COLGALT2: variants seen among roughly 807,000 people sequenced by gnomAD.
The protein encoded by COLGALT2 is procollagen galactosyltransferase 2.
Under a neutral mutation model 73.4 loss-of-function variants are expected in COLGALT2, and 49 were observed. That is an observed-to-expected ratio of 0.67 (90% CI 0.53 to 0.85). COLGALT2 has a LOEUF of 0.85. Among genes scored for constraint, COLGALT2 ranks in the 40% least tolerant of loss-of-function variants. The pLI is 0.00. For missense variants in COLGALT2, 722 were observed against 790.2 expected (o/e 0.91, Z 1.03); for synonymous variants, 295 against 307.6 (o/e 0.96, Z 0.43).
At chr1:184,027,096 T>C (rs1649355192) in intron 1 of COLGALT2, among the ~76,000 whole-genome samples, 1 of 152,176 alleles carries the variant, frequency 6.6e-6, no homozygotes, top group Non-Finnish European at 1.5e-5. Context: ...TGTGCTTGAC[T>C]TAATAATAAT....
chr1:183,974,523 A>G (rs1431849692), intron 3 of COLGALT2, among the ~76,000 whole-genome samples: 1 of 152,228 alleles, frequency 6.6e-6, no homozygotes, highest in Non-Finnish European at 1.5e-5. Flanking sequence ...TATTGTCAGT[A>G]CAATTTGAAA....
chr1:184,029,679 G>A (rs1311285189), intron 1 of COLGALT2, among the ~76,000 whole-genome samples: 1 of 152,222 alleles, frequency 6.6e-6, no homozygotes, highest in East Asian at 1.9e-4. Flanking sequence ...TGAACTTTTG[G>A]ATAAATATTA....
chr1:183,983,561 G>A (rs1671409986), intron 1 of COLGALT2, among the ~76,000 whole-genome samples: 1 of 152,216 alleles, frequency 6.6e-6, no homozygotes, highest in Non-Finnish European at 1.5e-5. Flanking sequence ...CGAGGCTGGT[G>A]CTAACGGTTC....
At chr1:183,996,304 C>T (rs1301732564) in intron 1 of COLGALT2, among the ~76,000 whole-genome samples, 2 of 152,124 alleles carry the variant, frequency 1.3e-5, no homozygotes, top group Non-Finnish European at 2.9e-5. Flanking sequence ...AAAGAGAAGG[C>T]AGAAAGCTGA....
intron 1 of COLGALT2, among the ~76,000 whole-genome samples, chr1:184,024,950 C>A (rs757410893): frequency 5.3e-5 from 8 of 152,224 alleles, no homozygotes; most frequent in Non-Finnish European, 8.8e-5. Context: ...TTGGAGGTTC[C>A]ATGCTTTCCA....
At chr1:183,966,256 T>C (rs1443916562) in intron 5 of COLGALT2, among the ~76,000 whole-genome samples, 3 of 152,224 alleles carry the variant, frequency 2.0e-5, no homozygotes, top group Admixed American at 6.5e-5. Flanking sequence ...GAGTCTGCAC[T>C]CCCAGTGAAT....
chr1:183,980,815 A>C (rs550268154), intron 1 of COLGALT2, among the ~76,000 whole-genome samples: 1 of 152,262 alleles, frequency 6.6e-6, no homozygotes, highest in South Asian at 2.1e-4. Flanking sequence ...AAAATCTTAA[A>C]TGAAGTATTA....
intron 4 of COLGALT2, among the ~76,000 whole-genome samples, chr1:183,972,068 G>C (rs4651160): frequency 0.71 from 108,003 of 152,164 alleles, 38,805 homozygotes; most frequent in East Asian, 0.84. Context: ...ATATAAAGGG[G>C]AGACTCAAAC....
chr1:184,002,170 C>T (rs1422928022), intron 1 of COLGALT2, among the ~76,000 whole-genome samples: 1 of 152,236 alleles, frequency 6.6e-6, no homozygotes, highest in African/African-American at 2.4e-5. Context: ...TCCTATCTAG[C>T]CTGTTCCACA....
intron 7 of COLGALT2, among the ~76,000 whole-genome samples, chr1:183,952,774 T>C (rs1670435411): frequency 6.6e-6 from 1 of 152,254 alleles, no homozygotes; most frequent in South Asian, 2.1e-4. Context: ...CCTTCCTTGT[T>C]TACCTAACTG....
At chr1:184,029,524 G>C (rs1649440629) in intron 1 of COLGALT2, among the ~76,000 whole-genome samples, 1 of 152,190 alleles carries the variant, frequency 6.6e-6, no homozygotes, top group African/African-American at 2.4e-5. Flanking sequence ...TGGGGACTGG[G>C]CTGCCTGGAC....
At chr1:184,012,164 C>T (rs1383588649) in intron 1 of COLGALT2, among the ~76,000 whole-genome samples, 1 of 152,196 alleles carries the variant, frequency 6.6e-6, no homozygotes. Flanking sequence ...ATTTCTGCTG[C>T]CTCCTTCTTT....
At chr1:183,956,999 C>T (rs1408674707) in intron 6 of COLGALT2, among the ~76,000 whole-genome samples, 1 of 152,098 alleles carries the variant, frequency 6.6e-6, no homozygotes, top group Admixed American at 6.5e-5. Flanking sequence ...GATCTGGTCT[C>T]TCATTAAATC....
intron 1 of COLGALT2, among the ~76,000 whole-genome samples, chr1:183,999,184 T>G (rs1233339718): frequency 6.6e-6 from 1 of 152,134 alleles, no homozygotes; most frequent in African/African-American, 2.4e-5. Context: ...TTCGAATGAT[T>G]GCTGAAATAA....
At chr1:183,971,825 A>T (rs552986087) in intron 4 of COLGALT2, among the ~76,000 whole-genome samples, 1 of 152,354 alleles carries the variant, frequency 6.6e-6, no homozygotes, top group South Asian at 2.1e-4. Flanking sequence ...CACTCTAATG[A>T]CACCTCATGT....
chr1:184,002,643 T>G (rs1422297165), intron 1 of COLGALT2, among the ~76,000 whole-genome samples: 1 of 152,224 alleles, frequency 6.6e-6, no homozygotes, highest in Non-Finnish European at 1.5e-5. Context: ...ATATTTTGGC[T>G]GATAAATGCT....
In COLGALT2 at chr1:183,954,746, T is replaced by C; in HGVS notation, c.1029+16A>G. On this transcript the variant is annotated intron_variant, in intron 7 of 11. Transcript: ENST00000361927. ...ACACGCGTGCATGTGCACACACATA[T>C]AGACACCTTTCCTACCTCATCAAAT... is the stretch of plus-strand genomic sequence containing the variant. 1 of 1,594,590 alleles carries C rather than the reference T, an allele frequency of 6.3e-7. No individual in the cohort carries two copies. Among genetic ancestry groups the C allele is most frequent in the Non-Finnish European group, 8.6e-7 (1 of 1,162,612 alleles).
intron 11 of COLGALT2, 97 bp downstream of exon 11, chr1:183,940,484 T>C: frequency 1.8e-6 from 2 of 1,106,922 alleles, no homozygotes; most frequent in Admixed American, 3.5e-5. Context: ...AGGAAAGCAG[T>C]ACAACTTTAG....
intron 1 of COLGALT2, among the ~76,000 whole-genome samples, chr1:183,987,459 A>T (rs138359393): frequency 1.6e-4 from 24 of 152,340 alleles, no homozygotes; most frequent in African/African-American, 5.5e-4. Context: ...CTCCAAACAC[A>T]TCAGGTTAGA....
Sources: gnomAD v4.1 joint callset for allele counts (sites outside exome capture counted in the v4.1 genomes callset) on GRCh38, gnomAD v4.1.1 for gene constraint, MANE v1.5 for transcripts, NCBI Gene and HGNC (gene_info 2026-07-23, HGNC 2026-07-21) for gene names.